The following VPS41 variants were observed in gnomAD, a reference collection of about 807,000 sequenced individuals.
VPS41 encodes vacuolar protein sorting-associated protein 41 homolog.
Under a neutral mutation model 130.9 loss-of-function variants are expected in VPS41, and 85 were observed. The observed-to-expected ratio is 0.65, with a 90% CI of 0.55 to 0.78. The LOEUF (loss-of-function observed/expected upper bound fraction) is 0.78, where lower values mean the gene tolerates loss of function less well. VPS41 is among the 30% of genes least tolerant of loss of function. VPS41 has a pLI of 0.00. For missense variants in VPS41, 874 were observed against 1,018.7 expected, an observed-to-expected ratio of 0.86 and a Z score of 1.93; for synonymous variants, 335 against 332.9, an observed-to-expected ratio of 1.01 and a Z score of -0.07.
chr7:38,760,150 T>G (rs145176344), intron 17 of VPS41, among the ~76,000 whole-genome samples: 3 of 152,328 alleles, frequency 2.0e-5, no homozygotes, highest in African/African-American at 7.2e-5. Context: ...ATTCCCGACT[T>G]TAGACTTCAT....
intron 4 of VPS41, 80 bp downstream of exon 4, chr7:38,862,465 A>C (rs983863126): frequency 3.4e-6 from 3 of 887,928 alleles, no homozygotes; most frequent in African/African-American, 1.7e-5. Flanking sequence ...CTATTAAAAC[A>C]AACTGGTAAA....
chr7:38,792,211 G>C (rs1784548091), intron 9 of VPS41, among the ~76,000 whole-genome samples: 1 of 152,170 alleles, frequency 6.6e-6, no homozygotes, highest in Non-Finnish European at 1.5e-5. Flanking sequence ...AAAGGTGGGT[G>C]AATAGGTAAG....
chr7:38,784,359 C>T (rs1362312167), intron 10 of VPS41, among the ~76,000 whole-genome samples: 3 of 152,060 alleles, frequency 2.0e-5, no homozygotes, highest in East Asian at 3.9e-4. Flanking sequence ...AAGTCAGGGC[C>T]GGGTATGGTG....
chr7:38,761,067 G>C (rs1324505950), intron 17 of VPS41, among the ~76,000 whole-genome samples: 3 of 151,962 alleles, frequency 2.0e-5, no homozygotes, highest in Non-Finnish European at 1.5e-5. Context: ...TCAGAAATTT[G>C]GGAATGGATT....
At chr7:38,827,674 C>A (rs1785307128) in intron 5 of VPS41, among the ~76,000 whole-genome samples, 1 of 152,206 alleles carries the variant, frequency 6.6e-6, no homozygotes, top group African/African-American at 2.4e-5. Context: ...AGTGGGAATG[C>A]CAGCCCAGGC....
At chr7:38,822,360 A>G (rs1347780334) in intron 5 of VPS41, among the ~76,000 whole-genome samples, 1 of 152,150 alleles carries the variant, frequency 6.6e-6, no homozygotes, top group Non-Finnish European at 1.5e-5. Context: ...CCAACTAATC[A>G]CTACCCTCAA....
chr7:38,829,593 A>G (rs1369725380), intron 5 of VPS41, among the ~76,000 whole-genome samples: 2 of 152,222 alleles, frequency 1.3e-5, no homozygotes, highest in Non-Finnish European at 2.9e-5. Context: ...AGACATTCTT[A>G]TAAGTGGAAA....
rs529578812 is a variant in VPS41, at chr7:38,853,135, T to C, written c.246+9410A>G. On this transcript the variant is annotated intron_variant, in intron 4 of 28. Coordinates refer to ENST00000310301, the MANE Select transcript of VPS41 (RefSeq NM_014396.4). ...GTGATTCCCTGTTTCATAAGAAGAA[T>C]GTGGCCGGGTGCGGTGGCTCACGCC... Among the ~76,000 whole-genome samples, 45 of 152,252 alleles carry C rather than the reference T, an allele frequency of 3.0e-4. No individual in the cohort carries two copies. The South Asian group carries it at 8.3e-3, about 28-fold the overall frequency.
Position 38,726,944 on chromosome 7 carries a change from T to C in VPS41, c.2449A>G (p.Met817Val), listed in dbSNP as rs939884474. ...ATGGGCAGGCACTCCTTGTGGAACA[T>C]GTGCCGGCAATGGAAGACCACCACG... Reference protein sequence around the residue: ...FSVVVFHCRHMFHKECLPMPS... With the variant: ...FSVVVFHCRHVFHKECLPMPS... Residue 817 changes from methionine (M) to valine (V), a missense_variant, in exon 28 of 29, where the codon ATG (methionine) becomes GTG (valine). Transcript: ENST00000310301. 6.9e-6 allele frequency: 11 copies of C among 1,590,958 alleles called. No homozygotes were observed. Among genetic ancestry groups the C allele is most frequent in the Non-Finnish European group, 8.6e-6 (10 of 1,168,562 alleles).
At chr7:38,894,492 G>A (rs1329951909) in intron 2 of VPS41, among the ~76,000 whole-genome samples, 1 of 152,128 alleles carries the variant, frequency 6.6e-6, no homozygotes, top group Admixed American at 6.6e-5. Flanking sequence ...AAGCCCTCAG[G>A]TTGAAGCACC....
intron 1 of VPS41, among the ~76,000 whole-genome samples, chr7:38,902,221 A>C (rs1787160630): frequency 6.6e-6 from 1 of 151,920 alleles, no homozygotes; most frequent in Admixed American, 6.6e-5. Flanking sequence ...TCCTCAAACA[A>C]CCCTCAGTAG....
chr7:38,895,344 TAAAA>T (rs531694346), intron 2 of VPS41, among the ~76,000 whole-genome samples: 1 of 151,642 alleles, frequency 6.6e-6, no homozygotes, highest in South Asian at 2.1e-4. Context: ...AATAAAAAAA[TAAAA>T]AAAACAAACC....
intron 9 of VPS41, 106 bp from the exon 10 acceptor site, chr7:38,789,973 G>A (rs1784507454): frequency 9.3e-7 from 1 of 1,073,664 alleles, no homozygotes; most frequent in Non-Finnish European, 1.4e-6. Flanking sequence ...TAGCACTGCA[G>A]ATGGAGTACA....
chr7:38,757,062 A>G (rs995173516), intron 18 of VPS41, 80 bp from the exon 19 acceptor site: 37 of 1,157,354 alleles, frequency 3.2e-5, no homozygotes, highest in Non-Finnish European at 3.7e-6. Context: ...GGTTCACAAT[A>G]TTAAAAATGG....
At chr7:38,834,398 C>G (rs561484162) in intron 4 of VPS41, among the ~76,000 whole-genome samples, 8 of 152,296 alleles carry the variant, frequency 5.3e-5, no homozygotes, top group Admixed American at 2.6e-4. Context: ...GCATCCTTTC[C>G]TCATTCCTGA....
chr7:38,875,501 C>T (rs1188020428), intron 2 of VPS41, among the ~76,000 whole-genome samples: 1 of 152,156 alleles, frequency 6.6e-6, no homozygotes, highest in Non-Finnish European at 1.5e-5. Flanking sequence ...ATACTGTATG[C>T]TATAGTTCTA....
intron 4 of VPS41, among the ~76,000 whole-genome samples, chr7:38,832,550 T>C (rs544324985): frequency 6.6e-6 from 1 of 152,266 alleles, no homozygotes; most frequent in South Asian, 2.1e-4. Flanking sequence ...CAATTCAGCA[T>C]TGATTTAATT....
At chr7:38,769,891 A>G (rs1375569953) in intron 14 of VPS41, among the ~76,000 whole-genome samples, 1 of 152,176 alleles carries the variant, frequency 6.6e-6, no homozygotes, top group Non-Finnish European at 1.5e-5. Flanking sequence ...TGAAAGCTTA[A>G]ATTGACTTCT....
intron 25 of VPS41, 68 bp downstream of exon 25, chr7:38,741,917 C>G (rs1795887750): frequency 6.4e-7 from 1 of 1,565,348 alleles, no homozygotes; most frequent in Non-Finnish European, 8.7e-7. Context: ...AACATAAACC[C>G]TAGAAATATT....
Sources: allele counts gnomAD v4.1 joint callset (sites outside exome capture counted in the v4.1 genomes callset), GRCh38; gene constraint gnomAD v4.1.1; transcripts MANE v1.5; gene names NCBI Gene and HGNC (gene_info 2026-07-23, HGNC 2026-07-21).